The following SRL variants were observed in gnomAD, a reference collection of about 807,000 sequenced individuals.
SRL encodes the protein sarcalumenin.
A neutral mutation model predicts 39.5 loss-of-function variants in SRL; 23 were observed. That is an observed-to-expected ratio of 0.58 (90% confidence interval 0.42 to 0.82). The LOEUF (loss-of-function observed/expected upper bound fraction) is 0.82. SRL is among the 40% of genes least tolerant of loss of function. The probability of loss-of-function intolerance (pLI) is 0.00; values close to 1 mark genes in which losing one functional copy is unlikely to be tolerated. For missense variants in SRL, 592 were observed against 607.8 expected (o/e 0.97, Z 0.27); for synonymous variants, 272 against 237.4 (o/e 1.15, Z -1.34).
At chr16:4,226,812 G>A (rs2052594779) in intron 1 of SRL, among the ~76,000 whole-genome samples, 1 of 151,520 alleles carries the variant, frequency 6.6e-6, no homozygotes, top group South Asian at 2.1e-4. Flanking sequence ...TGGATGGATG[G>A]ATGGAAGAAT....
At chr16:4,226,936 A>G (rs889843892) in intron 1 of SRL, among the ~76,000 whole-genome samples, 1 of 151,500 alleles carries the variant, frequency 6.6e-6, no homozygotes, top group Non-Finnish European at 1.5e-5. Context: ...GGATGAATGG[A>G]TGGGTGGATG....
chr16:4,223,950 G>A (rs934949810), intron 1 of SRL, among the ~76,000 whole-genome samples: 1 of 152,160 alleles, frequency 6.6e-6, no homozygotes, highest in Non-Finnish European at 1.5e-5. Flanking sequence ...CATCATGGGT[G>A]GGGGCATAGC....
intron 4 of SRL, 24 bp downstream of exon 4, chr16:4,197,775 C>T: frequency 2.0e-6 from 3 of 1,480,710 alleles, no homozygotes; most frequent in Non-Finnish European, 2.8e-6. Context: ...CAAATCCCAA[C>T]AATCACACAA....
intron 1 of SRL, among the ~76,000 whole-genome samples, chr16:4,234,686 T>G (rs1333728225): frequency 6.6e-6 from 1 of 152,164 alleles, no homozygotes. Context: ...GATACCCAGC[T>G]AGGGATGAGC....
At chr16:4,220,432 G>A (rs572190736) in intron 1 of SRL, among the ~76,000 whole-genome samples, 5 of 151,398 alleles carry the variant, frequency 3.3e-5, no homozygotes, top group African/African-American at 1.2e-4. Context: ...TCAGTGACAG[G>A]AGACACTGTC....
At chr16:4,206,790 A>C (rs998668926) in intron 1 of SRL, 5 of 456,516 alleles carry the variant, frequency 1.1e-5, no homozygotes, top group African/African-American at 2.0e-5. Context: ...CTCTGCCTTC[A>C]TATCCAGGGT....
At chr16:4,238,265 A>G (rs1157870402) in intron 1 of SRL, among the ~76,000 whole-genome samples, 2 of 150,792 alleles carry the variant, frequency 1.3e-5, no homozygotes, top group African/African-American at 4.9e-5. Flanking sequence ...CCTGCTCCCC[A>G]CTCCCCCAGC....
At position 4,197,691 on chromosome 16, in the gene SRL, G is replaced by T. The variant is rs2052167699; in HGVS notation, c.376+108C>A. 5 of 875,586 alleles carry T rather than the reference G, an allele frequency of 5.7e-6. No homozygotes were observed. In the South Asian group the frequency reaches 5.8e-5, roughly 10 times the overall value. The allele number at this position is 875,586 out of a possible 1,614,324, so 54.2% of individuals were successfully genotyped here. A position where few individuals can be genotyped will look rare whatever the true frequency, so the allele number is the denominator to read the frequency against. ...ATCCACTGCCTTGGCCTCCCAATGT[G>T]CTGGGATTACAGGCATGAGTCATAA... On this transcript the variant is annotated intron_variant, in intron 4 of 5. Transcript: ENST00000399609.
At chr16:4,235,239 G>C (rs893311537) in intron 1 of SRL, among the ~76,000 whole-genome samples, 8 of 152,216 alleles carry the variant, frequency 5.3e-5, no homozygotes, top group African/African-American at 1.9e-4. Flanking sequence ...GAGCAAACTC[G>C]GGAGAGAACA....
At chr16:4,206,976 T>C (rs1244002654) in intron 1 of SRL, 1 of 455,782 alleles carries the variant, frequency 2.2e-6, no homozygotes, top group South Asian at 1.5e-5. Context: ...CCCGCCTTCC[T>C]GTGGCGCTCC....
At chr16:4,206,701 G>A (rs968747547) in intron 1 of SRL, 3 of 456,812 alleles carry the variant, frequency 6.6e-6, no homozygotes, top group Middle Eastern at 6.5e-4. Context: ...AAGGGACGGG[G>A]TTGCTGTTAG....
chr16:4,225,171 A>T (rs1180377979), intron 1 of SRL, among the ~76,000 whole-genome samples: 2 of 152,196 alleles, frequency 1.3e-5, no homozygotes, highest in African/African-American at 4.8e-5. Context: ...AAATGTTCTA[A>T]AATTGACTGT....
chr16:4,229,523 G>C (rs980984057), intron 1 of SRL, among the ~76,000 whole-genome samples: 1 of 152,006 alleles, frequency 6.6e-6, no homozygotes, highest in Non-Finnish European at 1.5e-5. Flanking sequence ...GCGAATTAAG[G>C]CAGAAACAAA....
At position 4,192,315 on chromosome 16, in the gene SRL, G is replaced by A. The variant is rs781286006; in HGVS notation, c.1260C>T (p.Cys420=). ...CCAGAAAGCAACCTCCCATGTAGGA[G>A]CACTGCTGGGAGAGCAGTTTGAAAC... ...ISSFKLLSQQ[C]SYMGGCFLEK... Residue 420 remains cysteine, a synonymous_variant, in exon 6 of 6, where the codon TGC becomes TGT. Coordinates refer to ENST00000399609, the MANE Select transcript of SRL (RefSeq NM_001098814.2). The surrounding 1 kb of genome is among the most constrained non-coding windows in gnomAD (Gnocchi z 4.0). 6 of 1,614,114 alleles carry A rather than the reference G, an allele frequency of 3.7e-6. No homozygotes were observed. In the African/African-American group the frequency reaches 6.7e-5, roughly 18 times the overall value.
intron 1 of SRL, among the ~76,000 whole-genome samples, chr16:4,221,053 AT>A (rs113277798): frequency 0.017 from 2,430 of 145,284 alleles, 27 homozygotes; most frequent in African/African-American, 0.025. Flanking sequence ...CTATTCCATT[AT>A]TTTTTTTTTT....
chr16:4,204,441 C>CCTCTAAGAT (rs1183521859), intron 2 of SRL, 92 bp downstream of exon 2: 119 of 1,161,130 alleles, frequency 1.0e-4, no homozygotes, highest in Middle Eastern at 2.0e-4. Flanking sequence ...ACAGCCCCGG[C>CCTCTAAGAT]ACGCCCTGGC....
At chr16:4,194,903 T>A (rs1023760327) in intron 5 of SRL, among the ~76,000 whole-genome samples, 1 of 151,990 alleles carries the variant, frequency 6.6e-6, no homozygotes, top group African/African-American at 2.4e-5. Context: ...TTCTTCCTTT[T>A]TTTTTTTCTG....
intron 1 of SRL, among the ~76,000 whole-genome samples, chr16:4,212,354 G>A (rs2141044733): frequency 6.6e-6 from 1 of 152,268 alleles, no homozygotes; most frequent in East Asian, 1.9e-4. Flanking sequence ...GGAAGCAGCT[G>A]TGCCACTGGA....
At position 4,192,975 on chromosome 16, in the gene SRL, C is replaced by A; in HGVS notation, c.611-11G>T. 1 of 1,598,588 alleles carries A rather than the reference C, an allele frequency of 6.3e-7. No homozygotes were observed. The highest frequency in any genetic ancestry group is 8.5e-7 in the Non-Finnish European group (1 of 1,173,328). On this transcript the variant is annotated splice_polypyrimidine_tract_variant and intron_variant, in intron 5 of 5. Coordinates refer to ENST00000399609, the MANE Select transcript of SRL (RefSeq NM_001098814.2). This position sits in a 1 kb window ranked among gnomAD's most constrained non-coding sequence, Gnocchi z 4.0. The stretch of plus-strand genomic sequence containing the variant: ...CGTTGAAGGGGTAGCCTTTGGGAGA[C>A]AGAAGTGAGAAGTCAAACTGAGTAG...
Sources: allele counts gnomAD v4.1 joint callset (sites outside exome capture counted in the v4.1 genomes callset), GRCh38; gene constraint gnomAD v4.1.1; non-coding constraint Gnocchi (gnomAD v3.1); transcripts MANE v1.5; gene names NCBI Gene and HGNC (gene_info 2026-07-23, HGNC 2026-07-21).